Variants in ZNF560 observed in about 807,000 individuals in gnomAD.
The protein encoded by ZNF560 is zinc finger protein 560.
A neutral mutation model predicts 81.8 loss-of-function variants in ZNF560; 54 were observed. The observed-to-expected ratio is 0.66, with a 90% CI of 0.53 to 0.83. The LOEUF (loss-of-function observed/expected upper bound fraction) is 0.83. Ranked by LOEUF, ZNF560 falls within the 40% of genes least tolerant of loss-of-function variation. ZNF560 has a pLI of 0.00. For missense variants in ZNF560, 940 were observed against 932.4 expected, an observed-to-expected ratio of 1.01 and a Z score of -0.11; for synonymous variants, 321 against 317.9, an observed-to-expected ratio of 1.01 and a Z score of -0.10.
chr19:9,492,394 T>C (rs1355429878), intron 2 of ZNF560, among the ~76,000 whole-genome samples: 1 of 152,182 alleles, frequency 6.6e-6, no homozygotes, highest in Admixed American at 6.5e-5. Flanking sequence ...GGCAAATCCA[T>C]ATAGGATTTG....
intron 7 of ZNF560, 93 bp from the exon 8 acceptor site, chr19:9,469,803 A>C: frequency 9.7e-7 from 1 of 1,032,488 alleles, no homozygotes; most frequent in Non-Finnish European, 1.5e-6. Flanking sequence ...TAATTAAAGC[A>C]GTGAAAAGCA....
At chr19:9,500,394 CAAAA>C (rs767714516), upstream of ZNF560, among the ~76,000 whole-genome samples, 2 of 82,666 alleles carry the variant, frequency 2.4e-5, no homozygotes, top group Admixed American at 1.5e-4. Flanking sequence ...AACTTCATCT[CAAAA>C]AAAAAAAAAA....
At chr19:9,493,732 T>C (rs2144728756) in intron 2 of ZNF560, among the ~76,000 whole-genome samples, 1 of 152,342 alleles carries the variant, frequency 6.6e-6, no homozygotes, top group South Asian at 2.1e-4. Context: ...CATTCACTTC[T>C]GTCTCTTTTC....
chr19:9,501,927 C>T (rs571245624), upstream of ZNF560, among the ~76,000 whole-genome samples: 42 of 151,946 alleles, frequency 2.8e-4, no homozygotes, highest in South Asian at 1.2e-3. Context: ...CCAAGGCAGG[C>T]GGATCACTTG....
In ZNF560 at chr19:9,468,377, A is replaced by G. The variant is rs750285602; in HGVS notation, c.613-43T>C. 16 of 1,405,922 alleles carry G rather than the reference A, an allele frequency of 1.1e-5. No homozygotes were observed. The South Asian group carries it at 1.8e-4, about 16-fold the overall frequency. 87.1% of individuals were successfully genotyped at this position (1,405,922 alleles called of 1,614,324 possible). A position where few individuals can be genotyped will look rare whatever the true frequency, so the allele number is the denominator to read the frequency against. Reference sequence around the variant, plus strand: ...AACAATAAAGGAAGCATTTTAGCAGACTTATTAATAGATACCACTCTTCTA... The same window carrying G: ...AACAATAAAGGAAGCATTTTAGCAGGCTTATTAATAGATACCACTCTTCTA... On this transcript the variant is annotated intron_variant, in intron 9 of 9. Coordinates refer to ENST00000301480, the MANE Select transcript of ZNF560 (RefSeq NM_152476.3).
downstream of ZNF560, among the ~76,000 whole-genome samples, chr19:9,463,450 C>T (rs2072965948): frequency 6.6e-6 from 1 of 152,058 alleles, no homozygotes; most frequent in Non-Finnish European, 1.5e-5. Flanking sequence ...CAGGAATAAC[C>T]TATAGGTTTT....
At chr19:9,480,332 T>C (rs1180289803) in intron 2 of ZNF560, among the ~76,000 whole-genome samples, 2 of 151,564 alleles carry the variant, frequency 1.3e-5, no homozygotes, top group African/African-American at 4.9e-5. Flanking sequence ...AAATCAACAA[T>C]AGGAAGAAAA....
chr19:9,467,545 C>CCTT lies in ZNF560; in HGVS notation c.1399_1401dup (p.Lys467dup), dbSNP rs1323841545. On this transcript the variant is annotated inframe_insertion, in exon 10 of 10. Transcript: ENST00000301480. ...ATAACACCTGAGGATGTACCAAAGG[C>CCTT]CTTCCCATATTCCTTATGCTCATAT... 4 of 1,614,014 alleles carry CCTT rather than the reference C, an allele frequency of 2.5e-6. No homozygotes were observed. In the African/African-American group the frequency reaches 5.3e-5, roughly 22 times the overall value.
intron 2 of ZNF560, among the ~76,000 whole-genome samples, chr19:9,493,759 A>G (rs922773039): frequency 2.9e-4 from 44 of 152,320 alleles, no homozygotes; most frequent in African/African-American, 1.0e-3. Flanking sequence ...TATTTTGTAT[A>G]TAAGTTACTA....
At chr19:9,448,515 A>G in the ZNF560 span, among the ~76,000 whole-genome samples, 2 of 151,156 alleles carry the variant, frequency 1.3e-5, no homozygotes, top group Admixed American at 1.3e-4. Context: ...GATTACAAGC[A>G]TGAGCCACCT....
At chr19:9,491,786 AC>A (rs2073477667) in intron 2 of ZNF560, among the ~76,000 whole-genome samples, 1 of 109,404 alleles carries the variant, frequency 9.1e-6, no homozygotes, top group Admixed American at 9.1e-5. Flanking sequence ...AGATCCTGCC[AC>A]TGCACTCCAG....
chr19:9,480,893 C>T (rs925706230), intron 2 of ZNF560, among the ~76,000 whole-genome samples: 4 of 151,996 alleles, frequency 2.6e-5, no homozygotes, highest in African/African-American at 9.7e-5. Flanking sequence ...CGAGACCAGC[C>T]TAGGCAACAC....
intron 2 of ZNF560, among the ~76,000 whole-genome samples, chr19:9,483,708 G>A (rs1196022370): frequency 6.6e-6 from 1 of 150,822 alleles, no homozygotes; most frequent in East Asian, 2.0e-4. Context: ...CGCCCCGTCT[G>A]GGAGGTGGGG....
chr19:9,499,607 G>T (rs2073615060), upstream of ZNF560, among the ~76,000 whole-genome samples: 1 of 152,116 alleles, frequency 6.6e-6, no homozygotes, highest in African/African-American at 2.4e-5. Flanking sequence ...ACTGATACCA[G>T]GCATTCTTCA....
chr19:9,455,459 G>C, the ZNF560 span, among the ~76,000 whole-genome samples: 1 of 152,200 alleles, frequency 6.6e-6, no homozygotes, highest in East Asian at 1.9e-4. Flanking sequence ...TTTGAGAGTT[G>C]GTGGCTGGGC....
chr19:9,497,316 A>T (rs2073575797), intron 2 of ZNF560, among the ~76,000 whole-genome samples: 1 of 152,060 alleles, frequency 6.6e-6, no homozygotes, highest in South Asian at 2.1e-4. Flanking sequence ...GGCATTACCC[A>T]CTACTTAAAT....
intron 2 of ZNF560, among the ~76,000 whole-genome samples, chr19:9,491,251 G>A (rs1043472143): frequency 7.9e-5 from 12 of 152,126 alleles, no homozygotes; most frequent in Admixed American, 2.6e-4. Context: ...CATCTGGGAC[G>A]ACAGGTGCAC....
rs775002780 is a variant in ZNF560 at position 9,470,498 on chromosome 19, A to G, written c.342T>C (p.Ser114=). ...GIQMDLVTFD[S]VAVEFTQEEW... ...CTTCCTGGGTGAACTCCACAGCCAC[A>G]CTGTCAAAGGTTACCAGGTCCTAAA... Residue 114 remains serine (S), a synonymous_variant, in exon 7 of 10, where the codon AGT becomes AGC. Transcript: ENST00000301480. 1.2e-6 allele frequency: 2 copies of G among 1,614,040 alleles called. No individual in the cohort carries two copies. The highest frequency in any genetic ancestry group is 1.7e-5 in the Admixed American group (1 of 59,996).
the ZNF560 span, among the ~76,000 whole-genome samples, chr19:9,455,300 G>A: frequency 6.6e-6 from 1 of 152,204 alleles, no homozygotes; most frequent in Non-Finnish European, 1.5e-5. Context: ...CCAGTCAGAT[G>A]ATTCCCATTG....
Sources: gnomAD v4.1 joint callset for allele counts (sites outside exome capture counted in the v4.1 genomes callset) on GRCh38, gnomAD v4.1.1 for gene constraint, MANE v1.5 for transcripts, NCBI Gene and HGNC (gene_info 2026-07-23, HGNC 2026-07-21) for gene names.